The following MAP2K7 variants were observed in gnomAD, a reference collection of about 807,000 sequenced individuals.
The protein encoded by MAP2K7 is dual specificity mitogen-activated protein kinase kinase 7.
Under a neutral mutation model 47.7 loss-of-function variants are expected in MAP2K7, and 12 were observed. That is an observed-to-expected ratio of 0.25 (90% confidence interval 0.16 to 0.41). The LOEUF (loss-of-function observed/expected upper bound fraction) is 0.41, where lower values mean the gene tolerates loss of function less well. Ranked by LOEUF, MAP2K7 falls within the 10% of genes least tolerant of loss-of-function variation. MAP2K7 has a pLI of 1.00. For synonymous variants in MAP2K7, 299 were observed against 243.0 expected, an observed-to-expected ratio of 1.23 and a Z score of -2.14; for missense variants, 415 against 600.3, an observed-to-expected ratio of 0.69 and a Z score of 3.23.
chr19:7,912,276 C>G (rs913798468), intron 10 of MAP2K7, 21 bp from the exon 11 acceptor site: 3 of 1,613,464 alleles, frequency 1.9e-6, no homozygotes, highest in Non-Finnish European at 1.7e-6. Context: ...CCTCCTAAGC[C>G]CCACCCCCTC....
chr19:7,911,366 G>C (rs751008291), intron 8 of MAP2K7, 36 bp downstream of exon 8: 2 of 1,613,368 alleles, frequency 1.2e-6, no homozygotes, highest in Non-Finnish European at 8.5e-7. Flanking sequence ...CCAGCCAGGA[G>C]TGAGGGCTTC....
At chr19:7,911,717 G>GC (rs1982886551) in intron 9 of MAP2K7, 139 bp downstream of exon 9, 2 of 902,242 alleles carry the variant, frequency 2.2e-6, no homozygotes, top group Non-Finnish European at 3.3e-6. Flanking sequence ...GCTGGCGGCT[G>GC]CCACAGGAGC....
intron 7 of MAP2K7, 22 bp downstream of exon 7, chr19:7,911,181 G>A: frequency 2.5e-6 from 4 of 1,608,390 alleles, no homozygotes; most frequent in Non-Finnish European, 3.4e-6. Flanking sequence ...CCCCCCAGCG[G>A]GGGAGGGGGT....
chr19:7,906,647 G>A (rs1982478783), intron 1 of MAP2K7: 1 of 152,252 alleles, frequency 6.6e-6, no homozygotes, highest in African/African-American at 2.4e-5. Flanking sequence ...TACTTTGGGA[G>A]GCCAAGGAGG....
chr19:7,905,441 G>A (rs527564463), intron 1 of MAP2K7, among the ~76,000 whole-genome samples: 63 of 152,164 alleles, frequency 4.1e-4, no homozygotes, highest in Admixed American at 7.9e-4. Flanking sequence ...CACTGCCTGA[G>A]ACAAGAAGCC....
Position 7,903,915 on chromosome 19 carries a change from C to A in MAP2K7, c.-30C>A, listed in dbSNP as rs750185756. ...TCTGCCGGACTGACGGGCGGCCGGGCGGTGCGCGGCGGCGGTGGCGGCGGG... is the reference window on the plus strand; with the variant it reads ...TCTGCCGGACTGACGGGCGGCCGGGAGGTGCGCGGCGGCGGTGGCGGCGGG... On this transcript the variant is annotated 5_prime_UTR_variant, in exon 1 of 11. Coordinates refer to ENST00000397979, the MANE Select transcript of MAP2K7 (RefSeq NM_145185.4). 3 of 1,469,478 alleles carry A rather than the reference C, an allele frequency of 2.0e-6. No individual in the cohort carries two copies. Among genetic ancestry groups the A allele is most frequent in the African/African-American group, 1.4e-5 (1 of 69,046 alleles). 91.0% of individuals were successfully genotyped at this position (1,469,478 alleles called of 1,614,324 possible).
chr19:7,910,409 C>G, intron 4 of MAP2K7, 36 bp downstream of exon 4: 2 of 1,603,958 alleles, frequency 1.2e-6, no homozygotes, highest in Non-Finnish European at 1.7e-6. Context: ...GCGCCCCACA[C>G]CCCAGGCCGG....
In MAP2K7 at chr19:7,913,043, G is replaced by GCTCTCTCTCT. The variant is rs3066695; in HGVS notation, c.*629_*638dup. On this transcript the variant is annotated 3_prime_UTR_variant, in exon 11 of 11. Transcript: ENST00000397979. ...CGGCTGGACGGGGCTGCGCGCTCGC[G>GCTCTCTCTCT]CTCTCTCTCTCTCTCTCTCTCTCTC... The GCTCTCTCTCT allele has an allele frequency of 0.03, 4,525 of 150,116 alleles. 98 individuals are homozygous for GCTCTCTCTCT. The highest frequency in any genetic ancestry group is 0.051 in the Non-Finnish European group (3,457 of 67,524). The allele number at this position is 150,116 out of a possible 1,614,324, so 9.3% of individuals were successfully genotyped here.
chr19:7,906,666 C>G (rs549885139), intron 1 of MAP2K7: 2 of 152,182 alleles, frequency 1.3e-5, no homozygotes, highest in Non-Finnish European at 2.9e-5. Context: ...GGGTGGATCA[C>G]TTGAGGTCAG....
rs566314178 is a variant in MAP2K7, at chr19:7,905,272, A to G, written c.124+1204A>G. Among the ~76,000 whole-genome samples the G allele has an allele frequency of 4.6e-5, 7 of 150,890 alleles. No homozygotes were observed. In the East Asian group the frequency reaches 1.4e-3, roughly 29 times the overall value. On this transcript the variant is annotated intron_variant, in intron 1 of 10. Coordinates refer to ENST00000397979, the MANE Select transcript of MAP2K7 (RefSeq NM_145185.4). ...TGGCAGGCGAGAAAGGTACCCCCGT[A>G]TCTGGGCACCCCACCCATTCCCTGG...
rs1191409807 is a variant in MAP2K7, at chr19:7,914,051, T to C, written c.*1620T>C. ...TGCCGGGTGGGGGTGCCAACAGGCC[T>C]GGCCCTTTCCTCCCCTGCATCCAGC... On this transcript the variant is annotated 3_prime_UTR_variant, in exon 11 of 11. Transcript: ENST00000397979. 6.6e-6 allele frequency: 1 copy of C among 152,204 alleles called. No homozygotes were observed. The highest frequency in any genetic ancestry group is 2.4e-5 in the African/African-American group (1 of 41,464). The allele number at this position is 152,204 out of a possible 1,614,324, so 9.4% of individuals were successfully genotyped here. A position where few individuals can be genotyped will look rare whatever the true frequency, so the allele number is the denominator to read the frequency against.
At chr19:7,906,647 G>T (rs1982478783) in intron 1 of MAP2K7, 1 of 152,370 alleles carries the variant, frequency 6.6e-6, no homozygotes, top group Middle Eastern at 3.4e-3. Flanking sequence ...TACTTTGGGA[G>T]GCCAAGGAGG....
In MAP2K7 at chr19:7,912,337, A is replaced by G. The variant is rs1159130971; in HGVS notation, c.1166A>G (p.Asp389Gly). ...FIKRYETLEV[D>G]VASWFKDVMA... ...AAGCGCTACGAGACGCTGGAGGTGG[A>G]CGTGGCGTCCTGGTTCAAGGATGTC... is the stretch of plus-strand genomic sequence containing the variant. The change falls in exon 11 of 11, where the codon GAC becomes GGC. Residue 389 changes from aspartate (D) to glycine (G), a missense_variant. Asp to Gly is a moderately conservative substitution (Grantham distance 94, BLOSUM62 -1). Coordinates refer to ENST00000397979, the MANE Select transcript of MAP2K7 (RefSeq NM_145185.4). 3 of 1,613,536 alleles carry G rather than the reference A, an allele frequency of 1.9e-6. No individual in the cohort carries two copies. The South Asian group carries it at 3.3e-5, about 18-fold the overall frequency.
chr19:7,909,272 G>GCCC (rs1161245539), intron 1 of MAP2K7, among the ~76,000 whole-genome samples: 2 of 152,212 alleles, frequency 1.3e-5, no homozygotes, highest in Non-Finnish European at 2.9e-5. Flanking sequence ...CCCCAGCGTG[G>GCCC]CCCTGCTCGC....
At position 7,911,350 on chromosome 19, in the gene MAP2K7, T is replaced by G. The variant is rs957851659; in HGVS notation, c.936+20T>G. 9.9e-6 allele frequency: 16 copies of G among 1,613,396 alleles called. No homozygotes were observed. Among genetic ancestry groups the G allele is most frequent in the Non-Finnish European group, 1.4e-5 (16 of 1,179,968 alleles). On this transcript the variant is annotated intron_variant, in intron 8 of 10. Transcript: ENST00000397979. ...TCGTTGGTGAGTTGGGGCCCTCCCC[T>G]GTTCTCCAGCCAGGAGTGAGGGCTT...
At chr19:7,905,140 C>T (rs1982363283) in intron 1 of MAP2K7, among the ~76,000 whole-genome samples, 1 of 152,140 alleles carries the variant, frequency 6.6e-6, no homozygotes, top group Non-Finnish European at 1.5e-5. Flanking sequence ...TGAACACCAC[C>T]CCTGACCCAT....
intron 1 of MAP2K7, chr19:7,906,210 C>T (rs1283453318): frequency 9.6e-6 from 3 of 313,656 alleles, no homozygotes; most frequent in Admixed American, 8.7e-5. Context: ...GGTGGGTGGC[C>T]TGTGCCTATG....
rs1452479193 is a variant in MAP2K7 at position 7,909,876 on chromosome 19, C to A, written c.246C>A (p.Phe82Leu). 2 of 1,531,228 alleles carry A rather than the reference C, an allele frequency of 1.3e-6. No individual in the cohort carries two copies. Among genetic ancestry groups the A allele is most frequent in the Admixed American group, 2.0e-5 (1 of 48,878 alleles). The allele number at this position is 1,531,228 out of a possible 1,614,324, so 94.9% of individuals were successfully genotyped here. ...TGCTGGGGCTCCCGTCAACCCTGTT[C>A]ACACCCCGCAGCATGGAGAGGTGAG... is the stretch of plus-strand genomic sequence containing the variant. ...RHMLGLPSTL[F>L]TPRSMESIEI... Residue 82 changes from phenylalanine (F) to leucine (L), a missense_variant, in exon 2 of 11, where the codon TTC becomes TTA. By Grantham distance (22) the Phe-to-Leu change is conservative (BLOSUM62 0). Coordinates refer to ENST00000397979, the MANE Select transcript of MAP2K7 (RefSeq NM_145185.4).
chr19:7,912,049 T>G, intron 9 of MAP2K7, 100 bp from the exon 10 acceptor site: 8 of 1,108,468 alleles, frequency 7.2e-6, no homozygotes, highest in Non-Finnish European at 9.5e-6. Context: ...ACACACATCT[T>G]GGGGACCCCT....
Sources: allele counts gnomAD v4.1 joint callset (sites outside exome capture counted in the v4.1 genomes callset), GRCh38; gene constraint gnomAD v4.1.1; transcripts MANE v1.5; gene names NCBI Gene and HGNC (gene_info 2026-07-23, HGNC 2026-07-21).